DYRK1B: variants seen among roughly 807,000 people sequenced by gnomAD.
DYRK1B encodes dual specificity tyrosine-phosphorylation-regulated kinase 1B.
DYRK1B carries 20 observed loss-of-function variants against 57.1 expected under a neutral mutation model. The ratio of observed to expected loss-of-function variants is 0.35; its 90% CI spans 0.25 to 0.51. The LOEUF (loss-of-function observed/expected upper bound fraction) is 0.51. Among genes scored for constraint, DYRK1B ranks in the 20% least tolerant of loss-of-function variants. The pLI is 0.96. For synonymous variants in DYRK1B, 409 were observed against 384.7 expected, an observed-to-expected ratio of 1.06 and a Z score of -0.74; for missense variants, 732 against 886.3, an observed-to-expected ratio of 0.83 and a Z score of 2.21.
In DYRK1B at chr19:39,831,898, G is replaced by A; in HGVS notation, c.-31C>T. On this transcript the variant is annotated 5_prime_UTR_variant, in exon 2 of 11. Transcript: ENST00000323039. ...GCTCAGAGGGCCGCAGGGGAGCGAG[G>A]CCTGGAGCGGGAGCCCGGCCGGGGG... is the stretch of plus-strand genomic sequence containing the variant. 2 of 1,451,942 alleles carry A rather than the reference G, an allele frequency of 1.4e-6. No homozygotes were observed. The highest frequency in any genetic ancestry group is 1.5e-5 in the African/African-American group (1 of 68,638). The allele number at this position is 1,451,942 out of a possible 1,614,324, so 89.9% of individuals were successfully genotyped here. A position where few individuals can be genotyped will look rare whatever the true frequency, so the allele number is the denominator to read the frequency against.
chr19:39,830,828 C>A, intron 2 of DYRK1B, 45 bp from the exon 3 acceptor site: 1 of 1,568,550 alleles, frequency 6.4e-7, no homozygotes, highest in Non-Finnish European at 8.6e-7. Flanking sequence ...GTGCCTTCAC[C>A]TCCGACCTCA....
rs1599635590 is a variant in DYRK1B at position 39,825,602 on chromosome 19, A to C, written c.*113T>G. 8.2e-7 allele frequency: 1 copy of C among 1,223,258 alleles called. No individual in the cohort carries two copies. Among genetic ancestry groups the C allele is most frequent in the South Asian group, 1.4e-5 (1 of 71,144 alleles). 75.8% of individuals were successfully genotyped at this position (1,223,258 alleles called of 1,614,324 possible). The stretch of plus-strand genomic sequence containing the variant: ...GCCCCAATCAGTGCAGGCCTCACCC[A>C]CCCCAGCTGGGTAGCAGCAATTCCA... On this transcript the variant is annotated 3_prime_UTR_variant, in exon 11 of 11. Coordinates refer to ENST00000323039, the MANE Select transcript of DYRK1B (RefSeq NM_004714.3).
chr19:39,832,100 T>C (rs141004245), intron 1 of DYRK1B, 132 bp from the exon 2 acceptor site: 878 of 1,023,712 alleles, frequency 8.6e-4, no homozygotes, highest in Non-Finnish European at 1.1e-3. Flanking sequence ...GAGCAGCAGA[T>C]AGCAATGAAG....
rs201029953 is a variant in DYRK1B, at chr19:39,830,435, G to T, written c.312C>A (p.Gly104=). 31 of 1,614,180 alleles carry T rather than the reference G, an allele frequency of 1.9e-5. No homozygotes were observed. The highest frequency in any genetic ancestry group is 2.6e-5 in the Non-Finnish European group (31 of 1,180,030). The stretch of plus-strand genomic sequence containing the variant: ...TTTCGTAGCGCTCCAGCCAGCGCTC[G>T]CCACTGCGCACGATGTAGTCATGGT... ...DDNHDYIVRS[G]ERWLERYEID... Residue 104 remains glycine (G), a synonymous_variant, in exon 4 of 11, where the codon GGC becomes GGA. Transcript: ENST00000323039.
In DYRK1B at chr19:39,825,791, G is replaced by A. The variant is rs762302792; in HGVS notation, c.1814C>T (p.Pro605Leu). Residue 605 changes from proline (P) to leucine (L), a missense_variant, in exon 11 of 11, where the codon CCT (proline) becomes CTT (leucine). Transcript: ENST00000323039. ...RMTGGRPPLP[P>L]PDDPATLGPH... is the part of the protein sequence containing the mutation. ...CCCCAGAGTGGCAGGGTCATCAGGA[G>A]GCGGGAGGGGTGGACGACCTCCAGT... 1.3e-6 allele frequency: 2 copies of A among 1,574,618 alleles called. No individual in the cohort carries two copies. Among genetic ancestry groups the A allele is most frequent in the Non-Finnish European group, 1.7e-6 (2 of 1,161,410 alleles).
chr19:39,831,754 C>T (rs1202798983), intron 2 of DYRK1B, 51 bp downstream of exon 2: 1 of 1,548,312 alleles, frequency 6.5e-7, no homozygotes, highest in Admixed American at 2.0e-5. Context: ...ACCTTTCTAT[C>T]CCCAGCCTCC....
intron 4 of DYRK1B, 97 bp from the exon 5 acceptor site, chr19:39,830,124 C>T: frequency 1.4e-6 from 2 of 1,477,598 alleles, no homozygotes; most frequent in Non-Finnish European, 1.8e-6. Flanking sequence ...ACCAAGAACA[C>T]TATGCATACT....
chr19:39,830,181 G>A, intron 4 of DYRK1B, 154 bp from the exon 5 acceptor site: 1 of 1,155,718 alleles, frequency 8.7e-7, no homozygotes, highest in Non-Finnish European at 1.2e-6. Flanking sequence ...GTAAACACTG[G>A]ATGTGAAATA....
rs1184692690 is a variant in DYRK1B at position 39,826,136 on chromosome 19, C to G, written c.1518+44G>C. 1.3e-6 allele frequency: 2 copies of G among 1,575,158 alleles called. No homozygotes were observed. Among genetic ancestry groups the G allele is most frequent in the Admixed American group, 1.9e-5 (1 of 51,890 alleles). Reference sequence around the variant, plus strand: ...TGATGGAGACCCTGGTCTCTAAGCCCCAGGCACCACCACCCACCTCCAAAG... The same window carrying G: ...TGATGGAGACCCTGGTCTCTAAGCCGCAGGCACCACCACCCACCTCCAAAG... On this transcript the variant is annotated intron_variant, in intron 10 of 10. Transcript: ENST00000323039. The surrounding 1 kb of genome is among the most constrained non-coding windows in gnomAD (Gnocchi z 6.3).
At position 39,826,548 on chromosome 19, in the gene DYRK1B, C is replaced by A. The variant is rs73042726; in HGVS notation, c.1411+124G>T. 5.2e-6 allele frequency: 6 copies of A among 1,148,594 alleles called. No individual in the cohort carries two copies. The East Asian group carries it at 1.7e-4, about 33-fold the overall frequency. The allele number at this position is 1,148,594 out of a possible 1,614,324, so 71.2% of individuals were successfully genotyped here. ...GTTGGAGCTCTCCCATCCCACACGT[C>A]ATCTTACAGTTCAGGATCAGTTTCG... On this transcript the variant is annotated intron_variant, in intron 9 of 10. Coordinates refer to ENST00000323039, the MANE Select transcript of DYRK1B (RefSeq NM_004714.3). The surrounding 1 kb of genome is among the most constrained non-coding windows in gnomAD (Gnocchi z 6.3).
In DYRK1B at chr19:39,826,854, C is replaced by A; in HGVS notation, c.1229G>T (p.Arg410Leu). 1 of 1,460,152 alleles carries A rather than the reference C, an allele frequency of 6.8e-7. No homozygotes were observed. The highest frequency in any genetic ancestry group is 2.6e-5 in the East Asian group (1 of 37,902). The allele number at this position is 1,460,152 out of a possible 1,614,324, so 90.4% of individuals were successfully genotyped here. A position where few individuals can be genotyped will look rare whatever the true frequency, so the allele number is the denominator to read the frequency against. Residue 410 changes from arginine (R) to leucine (L), a missense_variant, in exon 9 of 11, where the codon CGC (arginine) becomes CTC (leucine). By Grantham distance (102) the Arg-to-Leu change is moderately radical. Transcript: ENST00000323039. The surrounding 1 kb of genome is among the most constrained non-coding windows in gnomAD (Gnocchi z 6.3). The stretch of plus-strand genomic sequence containing the variant: ...GGCGGCGGGCTCATACTCCAGCATG[C>A]GCAGCACCAGGTCCTGGAAGCGGAG... ...DYLRFQDLVL[R>L]MLEYEPAARI...
Position 39,830,365 on chromosome 19 carries a change from T to A in DYRK1B, c.372+10A>T, listed in dbSNP as rs1405954578. ...GGCCTTGGATCAGGGTGGTGGGGGGTGTCCCACACCTGGCCAAAGGAGCCT... is the reference window on the plus strand; with the variant it reads ...GGCCTTGGATCAGGGTGGTGGGGGGAGTCCCACACCTGGCCAAAGGAGCCT... On this transcript the variant is annotated intron_variant, in intron 4 of 10. Transcript: ENST00000323039. 3.7e-6 allele frequency: 6 copies of A among 1,613,546 alleles called. No homozygotes were observed. Among genetic ancestry groups the A allele is most frequent in the Non-Finnish European group, 5.1e-6 (6 of 1,179,888 alleles).
At position 39,826,849 on chromosome 19, in the gene DYRK1B, G is replaced by A; in HGVS notation, c.1234C>T (p.Leu412=). The part of the protein sequence containing the change: ...LRFQDLVLRM[L]EYEPAARISP... ...ATGCGGGCGGCGGGCTCATACTCCA[G>A]CATGCGCAGCACCAGGTCCTGGAAG... Residue 412 remains leucine (L), a synonymous_variant, in exon 9 of 11, where the codon CTG becomes TTG. Coordinates refer to ENST00000323039, the MANE Select transcript of DYRK1B (RefSeq NM_004714.3). The surrounding 1 kb of genome is among the most constrained non-coding windows in gnomAD (Gnocchi z 6.3). 3.4e-6 allele frequency: 5 copies of A among 1,467,156 alleles called. No homozygotes were observed. The highest frequency in any genetic ancestry group is 4.5e-6 in the Non-Finnish European group (5 of 1,112,050). 90.9% of individuals were successfully genotyped at this position (1,467,156 alleles called of 1,614,324 possible).
chr19:39,830,307 C>T (rs1968746696), intron 4 of DYRK1B, 68 bp downstream of exon 4: 2 of 1,597,728 alleles, frequency 1.3e-6, no homozygotes, highest in Admixed American at 1.7e-5. Context: ...CTTGAAGCCA[C>T]TGAACCACTG....
Position 39,833,167 on chromosome 19 carries a change from A to C in DYRK1B, c.-102+856T>G, listed in dbSNP as rs947042310. The C allele has an allele frequency of 7.1e-6, 7 of 984,730 alleles. No homozygotes were observed. The African/African-American group carries it at 1.2e-4, about 17-fold the overall frequency. 61.0% of individuals were successfully genotyped at this position (984,730 alleles called of 1,614,324 possible). A position where few individuals can be genotyped will look rare whatever the true frequency, so the allele number is the denominator to read the frequency against. ...CCTTTCTCCTATTCCATGCCTTGCC[A>C]CTCCACGACTCCTCCACCCTTGGAG... On this transcript the variant is annotated intron_variant, in intron 1 of 10. Transcript: ENST00000323039.
rs959089271 is a variant in DYRK1B at position 39,826,999 on chromosome 19, G to C, written c.1096-12C>G. 3 of 1,413,350 alleles carry C rather than the reference G, an allele frequency of 2.1e-6. No homozygotes were observed. The highest frequency in any genetic ancestry group is 1.5e-5 in the African/African-American group (1 of 67,324). The allele number at this position is 1,413,350 out of a possible 1,614,324, so 87.6% of individuals were successfully genotyped here. The stretch of plus-strand genomic sequence containing the variant: ...GGGCCCTGGTAATCCTGGCAGGGAG[G>C]GGGTGGGAGGGGGGGCAAGAGAGTG... On this transcript the variant is annotated splice_polypyrimidine_tract_variant and intron_variant, in intron 8 of 10. Coordinates refer to ENST00000323039, the MANE Select transcript of DYRK1B (RefSeq NM_004714.3). The surrounding 1 kb of genome is among the most constrained non-coding windows in gnomAD (Gnocchi z 6.3).
rs373989592 is a variant in DYRK1B, at chr19:39,827,826, CTTGT to C, written c.808-174_808-171del. Among the ~76,000 whole-genome samples the C allele has an allele frequency of 7.8e-4, 118 of 152,232 alleles. 3 individuals are homozygous for C. The East Asian group carries it at 0.02, about 26-fold the overall frequency. ...ATTTTCTGGGAGCCACTGGTGCCAT[CTTGT>C]TTATCAATCTGGGGAGTCTGCTGGC... On this transcript the variant is annotated intron_variant, in intron 6 of 10. Coordinates refer to ENST00000323039, the MANE Select transcript of DYRK1B (RefSeq NM_004714.3).
rs1285759447 is a variant in DYRK1B at position 39,831,728 on chromosome 19, A to G, written c.63+77T>C. 9 of 1,525,482 alleles carry G rather than the reference A, an allele frequency of 5.9e-6. No individual in the cohort carries two copies. The East Asian group carries it at 7.4e-5, about 13-fold the overall frequency. The allele number at this position is 1,525,482 out of a possible 1,614,324, so 94.5% of individuals were successfully genotyped here. A position where few individuals can be genotyped will look rare whatever the true frequency, so the allele number is the denominator to read the frequency against. On this transcript the variant is annotated intron_variant, in intron 2 of 10. Coordinates refer to ENST00000323039, the MANE Select transcript of DYRK1B (RefSeq NM_004714.3). Reference sequence around the variant, plus strand: ...GAAGAATGTCTTGGGCAACCACACTACCTTTTGGTCTGGAGACCTTTCTAT... The same window carrying G: ...GAAGAATGTCTTGGGCAACCACACTGCCTTTTGGTCTGGAGACCTTTCTAT...
intron 2 of DYRK1B, 21 bp downstream of exon 2, chr19:39,831,784 A>G: frequency 6.5e-7 from 1 of 1,549,038 alleles, no homozygotes; most frequent in Non-Finnish European, 8.7e-7. Flanking sequence ...CACGCAGGTG[A>G]GGAGCCAGCT....
Sources: allele counts gnomAD v4.1 joint callset (sites outside exome capture counted in the v4.1 genomes callset), GRCh38; gene constraint gnomAD v4.1.1; non-coding constraint Gnocchi (gnomAD v3.1); transcripts MANE v1.5; gene names NCBI Gene and HGNC (gene_info 2026-07-23, HGNC 2026-07-21).